Variants in OSBPL10 observed in about 807,000 individuals in gnomAD.
The protein encoded by OSBPL10 is oxysterol binding protein like 10, also known as oxysterol-binding protein-related protein 10.
OSBPL10 carries 49 observed loss-of-function variants against 81.7 expected under a neutral mutation model. That is an observed-to-expected ratio of 0.60 (90% CI 0.48 to 0.76). The LOEUF (loss-of-function observed/expected upper bound fraction) is 0.76, where lower values mean the gene tolerates loss of function less well. Ranked by LOEUF, OSBPL10 falls within the 30% of genes least tolerant of loss-of-function variation. The pLI is 0.00. For missense variants in OSBPL10, 923 were observed against 987.8 expected (o/e 0.93, Z 0.88); for synonymous variants, 419 against 383.6 (o/e 1.09, Z -1.08).
At chr3:31,926,352 C>T (rs969704526) in intron 1 of OSBPL10, among the ~76,000 whole-genome samples, 1 of 140,758 alleles carries the variant, frequency 7.1e-6, no homozygotes, top group Non-Finnish European at 1.5e-5. Flanking sequence ...AGAGAAGATG[C>T]CATTACCATC....
intron 2 of OSBPL10, among the ~76,000 whole-genome samples, chr3:32,042,664 C>CG (rs1008801576): frequency 1.5e-4 from 23 of 152,138 alleles, no homozygotes; most frequent in African/African-American, 5.5e-4. Context: ...GCTGGGTCAC[C>CG]GGGGGTGACA....
intron 4 of OSBPL10, among the ~76,000 whole-genome samples, chr3:31,779,975 T>C (rs911108170): frequency 1.3e-5 from 2 of 152,182 alleles, no homozygotes; most frequent in Admixed American, 6.5e-5. Flanking sequence ...AAAATCAAGA[T>C]AGAAATTAAA....
At chr3:31,870,475 A>G (rs1466805227) in intron 3 of OSBPL10, among the ~76,000 whole-genome samples, 1 of 152,178 alleles carries the variant, frequency 6.6e-6, no homozygotes, top group Non-Finnish European at 1.5e-5. Flanking sequence ...CAGTCCTATC[A>G]ACCACCCAAG....
intron 5 of OSBPL10, among the ~76,000 whole-genome samples, chr3:31,738,043 G>T (rs1417208732): frequency 6.6e-6 from 1 of 150,682 alleles, no homozygotes; most frequent in African/African-American, 2.4e-5. Flanking sequence ...GCACAACAGA[G>T]ATCCAAGAGA....
At chr3:31,782,265 TCA>T (rs944018799) in intron 4 of OSBPL10, among the ~76,000 whole-genome samples, 1 of 152,166 alleles carries the variant, frequency 6.6e-6, no homozygotes, top group Admixed American at 6.5e-5. Flanking sequence ...TCCTCATCTT[TCA>T]CCTTACACAA....
chr3:31,848,467 C>T (rs941926566), intron 3 of OSBPL10, among the ~76,000 whole-genome samples: 4 of 151,996 alleles, frequency 2.6e-5, no homozygotes, highest in African/African-American at 7.2e-5. Flanking sequence ...CACCCAGTGA[C>T]TTTTTTCGTC....
At chr3:31,823,685 G>C (rs926647907) in intron 4 of OSBPL10, among the ~76,000 whole-genome samples, 3 of 152,058 alleles carry the variant, frequency 2.0e-5, no homozygotes, top group African/African-American at 7.2e-5. Flanking sequence ...GATTTCCTTA[G>C]TATATGAGTA....
chr3:31,811,057 A>G (rs7633514), intron 4 of OSBPL10, among the ~76,000 whole-genome samples: 8,791 of 152,182 alleles, frequency 0.058, 833 homozygotes, highest in African/African-American at 0.2. Flanking sequence ...GCCCTCATGT[A>G]CTCACTGTGA....
rs780888956 is a variant in OSBPL10, at chr3:31,879,685, A to G, written c.427T>C (p.Ser143Pro). The stretch of plus-strand genomic sequence containing the variant: ...AGTTTAAACATCTCTCCATTAGCAG[A>G]GTACACCACCAGCATGTGGGGAGCT... The part of the protein sequence containing the change: ...DEAPHMLVVY[S>P]ANGEMFKLRA... The change falls in exon 2 of 12, where the codon TCT becomes CCT. Residue 143 changes from serine (S) to proline (P), a missense_variant. Transcript: ENST00000396556. 45 of 1,613,888 alleles carry G rather than the reference A, an allele frequency of 2.8e-5. 1 individual carries two copies. The South Asian group carries it at 4.9e-4, about 18-fold the overall frequency.
chr3:32,053,883 G>C (rs897033116), intron 1 of OSBPL10, among the ~76,000 whole-genome samples: 2 of 152,120 alleles, frequency 1.3e-5, no homozygotes, highest in African/African-American at 4.8e-5. Context: ...AGAATCACTT[G>C]AACACGGGAG....
At chr3:31,917,736 G>A (rs189087101) in intron 1 of OSBPL10, among the ~76,000 whole-genome samples, 2 of 149,472 alleles carry the variant, frequency 1.3e-5, no homozygotes, top group Non-Finnish European at 3.0e-5. Flanking sequence ...CTGGACTAAC[G>A]CACTCTTTTT....
chr3:31,701,507 C>G (rs931949872), intron 7 of OSBPL10, among the ~76,000 whole-genome samples: 1 of 152,210 alleles, frequency 6.6e-6, no homozygotes, highest in South Asian at 2.1e-4. Context: ...TTAGGTCCTC[C>G]GCACGCCTCA....
intron 6 of OSBPL10, among the ~76,000 whole-genome samples, chr3:31,732,274 G>T (rs1409868775): frequency 6.6e-6 from 1 of 151,676 alleles, no homozygotes; most frequent in Non-Finnish European, 1.5e-5. Context: ...TTTGTAGGCA[G>T]GCTAATCTGA....
intron 2 of OSBPL10, among the ~76,000 whole-genome samples, chr3:32,029,409 T>C (rs536502324): frequency 1.3e-5 from 2 of 152,300 alleles, no homozygotes; most frequent in South Asian, 4.1e-4. Flanking sequence ...GTTCTAAGGC[T>C]TTTTAATAAA....
chr3:31,951,440 A>G (rs1473284299), intron 1 of OSBPL10, among the ~76,000 whole-genome samples: 1 of 152,048 alleles, frequency 6.6e-6, no homozygotes, highest in African/African-American at 2.4e-5. Flanking sequence ...TTGAAACTCA[A>G]GAGTTAGTGG....
intron 4 of OSBPL10, among the ~76,000 whole-genome samples, chr3:31,821,404 T>G (rs968455263): frequency 1.3e-5 from 2 of 152,146 alleles, no homozygotes; most frequent in Non-Finnish European, 2.9e-5. Context: ...TTCTCACTAT[T>G]CCAGCCAACC....
chr3:31,955,919 T>C (rs929162199), intron 1 of OSBPL10, among the ~76,000 whole-genome samples: 37 of 151,684 alleles, frequency 2.4e-4, no homozygotes, highest in Non-Finnish European at 5.9e-5. Flanking sequence ...GACAAGTGTA[T>C]TTGATTCCTT....
Position 31,664,215 on chromosome 3 carries a change from ACCTC to A in OSBPL10, c.2110_2113del (p.Glu704Ter). 6.2e-7 allele frequency: 1 copy of A among 1,611,894 alleles called. No individual in the cohort carries two copies. Among genetic ancestry groups the A allele is most frequent in the Non-Finnish European group, 8.5e-7 (1 of 1,179,884 alleles). ...GTCCCCCAGCCGCAGGTATCGGGTC[ACCTC>A]CCGCCAGAGGTTCCTGGGGATGCGT... On this transcript the variant is annotated frameshift_variant, in exon 11 of 12. Coordinates refer to ENST00000396556, the MANE Select transcript of OSBPL10 (RefSeq NM_017784.5). LOFTEE classifies it high-confidence loss of function.
intron 1 of OSBPL10, chr3:31,960,230 G>C (rs1241001377): frequency 6.6e-6 from 1 of 152,104 alleles, no homozygotes; most frequent in African/African-American, 2.4e-5. Context: ...ACTTTTACCA[G>C]CCTCCCAAAA....
Sources: allele counts gnomAD v4.1 joint callset (sites outside exome capture counted in the v4.1 genomes callset), GRCh38; gene constraint gnomAD v4.1.1; transcripts MANE v1.5; gene names NCBI Gene and HGNC (gene_info 2026-07-23, HGNC 2026-07-21).